The following CDYL variants were observed in gnomAD, a reference collection of about 807,000 sequenced individuals.
The protein encoded by CDYL is chromodomain Y-like protein.
A neutral mutation model predicts 47.3 loss-of-function variants in CDYL; 8 were observed. The ratio of observed to expected loss-of-function variants is 0.17; its 90% CI spans 0.10 to 0.31. CDYL has a LOEUF of 0.31. Among genes scored for constraint, CDYL ranks in the 10% least tolerant of loss-of-function variants. CDYL has a pLI of 1.00. For missense variants in CDYL, 471 were observed against 701.4 expected (o/e 0.67, Z 3.71); for synonymous variants, 266 against 265.0 (o/e 1.00, Z -0.04).
intron 1 of CDYL, among the ~76,000 whole-genome samples, chr6:4,840,530 C>T (rs1030316933): frequency 6.6e-6 from 1 of 152,092 alleles, no homozygotes; most frequent in Admixed American, 6.6e-5. Context: ...GTTATGTTGG[C>T]TTTGGGTATG....
intron 2 of CDYL, 22 bp downstream of exon 2, chr6:4,892,401 C>A: frequency 1.3e-6 from 2 of 1,577,760 alleles, no homozygotes; most frequent in South Asian, 2.4e-5. Flanking sequence ...GGGAGCTGCT[C>A]AGGCTCCGTG....
intron 3 of CDYL, among the ~76,000 whole-genome samples, chr6:4,751,918 C>T (rs1758000024): frequency 6.6e-6 from 1 of 152,200 alleles, no homozygotes; most frequent in Admixed American, 6.5e-5. Flanking sequence ...GACTGTTTTG[C>T]TGGCTCTGGG....
At chr6:4,843,353 A>G (rs1372760889) in intron 1 of CDYL, among the ~76,000 whole-genome samples, 1 of 152,054 alleles carries the variant, frequency 6.6e-6, no homozygotes. Context: ...TCGTATTTGG[A>G]TGTCTAGATC....
In CDYL at chr6:4,895,077, A is replaced by G. The variant is rs1285121379; in HGVS notation, c.691+2698A>G. 1.7e-4 allele frequency among the ~76,000 whole-genome samples: 10 copies of G among 58,108 alleles called. No individual in the cohort carries two copies. In the Admixed American group the frequency reaches 2.3e-3, roughly 13 times the overall value. The allele number at this position is 58,108 out of a possible 152,430, so 38.1% of individuals were successfully genotyped here. On this transcript the variant is annotated intron_variant, in intron 2 of 6. Coordinates refer to ENST00000397588, the MANE Select transcript of CDYL (RefSeq NM_004824.4). ...TGTACATATGGGTATATATGTATCT[A>G]TATGCACATATATGTACATGTGTGT...
Position 4,776,544 on chromosome 6 carries a change from C to T in CDYL, c.-240C>T. ...TGAGCCCGAGCGCGAGCCGGCCCGC[C>T]GGGGAGTGAGCGCGGGGCGCCCAGG... On this transcript the variant is annotated 5_prime_UTR_variant, in exon 1 of 7. Transcript: ENST00000397588. 5.9e-6 allele frequency: 1 copy of T among 169,482 alleles called. No homozygotes were observed. Among genetic ancestry groups the T allele is most frequent in the Non-Finnish European group, 1.2e-5 (1 of 82,174 alleles). The allele number at this position is 169,482 out of a possible 1,614,324, so 10.5% of individuals were successfully genotyped here.
intron 1 of CDYL, among the ~76,000 whole-genome samples, chr6:4,866,492 T>C (rs961744712): frequency 1.3e-5 from 2 of 152,122 alleles, no homozygotes; most frequent in Admixed American, 6.5e-5. Context: ...GTATGAGATA[T>C]TATAGTAAGT....
chr6:4,710,449 G>A (rs1757131387), intron 1 of CDYL, among the ~76,000 whole-genome samples: 1 of 146,158 alleles, frequency 6.8e-6, no homozygotes, highest in African/African-American at 2.5e-5. Flanking sequence ...GAGAATTTCT[G>A]GAGAATGAGT....
rs148919182 is a variant in CDYL, at chr6:4,721,808, G to A, written c.103+5927G>A. Among the ~76,000 whole-genome samples the A allele has an allele frequency of 3.3e-5, 5 of 151,932 alleles. No homozygotes were observed. The South Asian group carries it at 8.3e-4, about 25-fold the overall frequency. Reference sequence around the variant, plus strand: ...AATACATGCTCTGTCCACTTCACAGGAATTTACCTGAATAGTTTCAGACAC... The same window carrying A: ...AATACATGCTCTGTCCACTTCACAGAAATTTACCTGAATAGTTTCAGACAC... On this transcript the variant is annotated intron_variant, in intron 2 of 8. Coordinates refer to the CDYL transcript ENST00000328908.
intron 1 of CDYL, among the ~76,000 whole-genome samples, chr6:4,709,547 G>A (rs1757111646): frequency 1.3e-5 from 2 of 152,138 alleles, no homozygotes; most frequent in South Asian, 4.1e-4. Flanking sequence ...ACTGTCATGT[G>A]AGGGTCCCTT....
Position 4,817,103 on chromosome 6 carries a change from C to T in CDYL, c.24+40296C>T, listed in dbSNP as rs553236335. 5.3e-5 allele frequency among the ~76,000 whole-genome samples: 8 copies of T among 152,232 alleles called. No individual in the cohort carries two copies. In the South Asian group the frequency reaches 1.5e-3, roughly 28 times the overall value. On this transcript the variant is annotated intron_variant, in intron 1 of 6. Transcript: ENST00000397588. ...CTTGCCTGTTGTATTGTTGCGAAAT[C>T]TAGTTATTCCTACAGGCATTGTATT...
intron 1 of CDYL, among the ~76,000 whole-genome samples, chr6:4,780,134 A>T (rs540466022): frequency 6.6e-6 from 1 of 152,146 alleles, no homozygotes; most frequent in East Asian, 1.9e-4. Context: ...GATGTATGGA[A>T]GTTAGACGGT....
At chr6:4,709,635 C>A (rs1366232620) in intron 1 of CDYL, among the ~76,000 whole-genome samples, 1 of 152,204 alleles carries the variant, frequency 6.6e-6, no homozygotes, top group African/African-American at 2.4e-5. Flanking sequence ...GTCCTTCACT[C>A]TCTCCTCAAG....
At chr6:4,739,722 G>A (rs1375097193) in intron 3 of CDYL, among the ~76,000 whole-genome samples, 1 of 152,112 alleles carries the variant, frequency 6.6e-6, no homozygotes, top group African/African-American at 2.4e-5. Flanking sequence ...GGGAGGTGAG[G>A]CAGGCAGATC....
Position 4,822,146 on chromosome 6 carries a change from C to A in CDYL, c.24+45339C>A, listed in dbSNP as rs985590768. ...ACAGTGCCTGGCAAATTTTTCTTTT[C>A]TTTATTTTTTTTTTCTTTCTGTAGA... On this transcript the variant is annotated intron_variant, in intron 1 of 6. Coordinates refer to ENST00000397588, the MANE Select transcript of CDYL (RefSeq NM_004824.4). Among the ~76,000 whole-genome samples, 25 of 151,160 alleles carry A rather than the reference C, an allele frequency of 1.7e-4. 1 individual carries two copies.
In CDYL at chr6:4,839,758, A is replaced by T. The variant is rs369692711; in HGVS notation, c.25-51955A>T. On this transcript the variant is annotated intron_variant, in intron 1 of 6. Transcript: ENST00000397588. ...ATTTGACTTTATTTTTGGGTTCTTT[A>T]TTCTGTTCCATTGGTCTATGTGCTT... Among the ~76,000 whole-genome samples, 7 of 152,098 alleles carry T rather than the reference A, an allele frequency of 4.6e-5. No individual in the cohort carries two copies. The East Asian group carries it at 9.6e-4, about 21-fold the overall frequency.
intron 1 of CDYL, among the ~76,000 whole-genome samples, chr6:4,709,008 A>G (rs989539771): frequency 6.6e-6 from 1 of 151,972 alleles, no homozygotes; most frequent in African/African-American, 2.4e-5. Flanking sequence ...CCCTGTCTTA[A>G]AAAAAATAAA....
intron 1 of CDYL, among the ~76,000 whole-genome samples, chr6:4,780,523 C>T (rs2127430136): frequency 6.6e-6 from 1 of 151,874 alleles, no homozygotes; most frequent in Admixed American, 6.6e-5. Flanking sequence ...CCCACCTTGG[C>T]CTCCCAAAGT....
intron 4 of CDYL, among the ~76,000 whole-genome samples, chr6:4,941,201 AT>A: frequency 6.6e-6 from 1 of 152,220 alleles, no homozygotes; most frequent in Non-Finnish European, 1.5e-5. Context: ...GTGTTCATAC[AT>A]TTTGATTTCA....
chr6:4,734,808 T>C, exon 3 of CDYL: 2 of 1,614,110 alleles, frequency 1.2e-6, no homozygotes, highest in Non-Finnish European at 1.7e-6. Context: ...CCGTGAGCAG[T>C]GAGCAAAGCG....
Sources: allele counts gnomAD v4.1 joint callset (sites outside exome capture counted in the v4.1 genomes callset), GRCh38; gene constraint gnomAD v4.1.1; transcripts MANE v1.5; gene names NCBI Gene and HGNC (gene_info 2026-07-23, HGNC 2026-07-21).